The following CRYAB variants were observed in gnomAD, a reference collection of about 807,000 sequenced individuals.
CRYAB encodes crystallin alpha B.
In CRYAB, 9 loss-of-function variants were observed where a neutral mutation model predicts 12.7. The observed-to-expected ratio is 0.71, with a 90% CI of 0.43 to 1.24. The LOEUF (loss-of-function observed/expected upper bound fraction) is 1.24. CRYAB is among the 50% of genes most tolerant of loss of function. The pLI is 0.00. For synonymous variants in CRYAB, 93 were observed against 86.8 expected, an observed-to-expected ratio of 1.07 and a Z score of -0.40; for missense variants, 183 against 226.6, an observed-to-expected ratio of 0.81 and a Z score of 1.24.
chr11:111,919,566 C>T (rs1324442521), intron 1 of CRYAB, among the ~76,000 whole-genome samples: 1 of 152,170 alleles, frequency 6.6e-6, no homozygotes, highest in African/African-American at 2.4e-5. Context: ...TTTTTCTGTG[C>T]CCTCTTCCTC....
chr11:111,909,773 A>G (rs1965393923), intron 2 of CRYAB: 1 of 231,882 alleles, frequency 4.3e-6, no homozygotes, highest in Admixed American at 5.1e-5. Flanking sequence ...TTGCACAGCT[A>G]AAAGAGAAGT....
At chr11:111,909,024 C>T (rs1244066863) in intron 2 of CRYAB, 57 bp from the exon 3 acceptor site, 1 of 1,572,142 alleles carries the variant, frequency 6.4e-7, no homozygotes, top group African/African-American at 1.3e-5. Flanking sequence ...CTATTATCAC[C>T]TGCCCAGAAC....
Position 111,908,797 on chromosome 11 carries a change from C to T in CRYAB, c.495G>A (p.Glu165=), listed in dbSNP as rs781923307. Residue 165 remains glutamate, a synonymous_variant, in exon 3 of 3, where the codon GAG becomes GAA. Coordinates refer to ENST00000650687, the MANE Select transcript of CRYAB (RefSeq NM_001289808.2). ...PERTIPITRE[E]KPAVTAAPKK Reference sequence around the variant, plus strand: ...TGGGGGCTGCGGTGACAGCAGGCTTCTCTTCACGGGTGATGGGAATGGTGC... The same window carrying T: ...TGGGGGCTGCGGTGACAGCAGGCTTTTCTTCACGGGTGATGGGAATGGTGC... 1 of 1,613,252 alleles carries T rather than the reference C, an allele frequency of 6.2e-7. No homozygotes were observed. The highest frequency in any genetic ancestry group is 8.5e-7 in the Non-Finnish European group (1 of 1,180,028).
intron 2 of CRYAB, 90 bp from the exon 3 acceptor site, chr11:111,909,057 A>G: frequency 7.7e-7 from 1 of 1,299,248 alleles, no homozygotes; most frequent in Non-Finnish European, 1.1e-6. Flanking sequence ...ATTTCCCCTT[A>G]GGTGAGACCA....
upstream of CRYAB, chr11:111,912,753 C>G: frequency 8.8e-7 from 1 of 1,141,546 alleles, no homozygotes; most frequent in Non-Finnish European, 1.3e-6. Flanking sequence ...AGCCCTGGCT[C>G]TCCGGGCAGC....
At chr11:111,922,420 G>A (rs1201346177) in intron 1 of CRYAB, among the ~76,000 whole-genome samples, 1 of 152,090 alleles carries the variant, frequency 6.6e-6, no homozygotes, top group Admixed American at 6.6e-5. Flanking sequence ...TATTGTTTCT[G>A]ATTACAAAGG....
upstream of CRYAB, chr11:111,913,704 A>C (rs202246824): frequency 6.2e-7 from 1 of 1,613,814 alleles, no homozygotes; most frequent in South Asian, 1.1e-5. Context: ...GTTCTGCCGC[A>C]CCTATGTCCT....
upstream of CRYAB, chr11:111,912,957 C>A (rs545496413): frequency 6.7e-7 from 1 of 1,487,544 alleles, no homozygotes. Context: ...TGCCCCCCAC[C>A]CCCACCCCCT....
At position 111,911,708 on chromosome 11, in the gene CRYAB, T is replaced by C; in HGVS notation, c.17A>G (p.His6Arg). Residue 6 changes from histidine (H) to arginine (R), a missense_variant, in exon 1 of 3, where the codon CAC becomes CGC. Physicochemically the swap from His to Arg is conservative, Grantham distance 29 (BLOSUM62 0). Coordinates refer to ENST00000650687, the MANE Select transcript of CRYAB (RefSeq NM_001289808.2). Reference sequence around the variant, plus strand: ...GAAGGGGCGGCGGATCCAGGGGTGGTGGATGGCGATGTCCATGGTGGCTAG... The same window carrying C: ...GAAGGGGCGGCGGATCCAGGGGTGGCGGATGGCGATGTCCATGGTGGCTAG... MDIAI[H>R]HPWIRRPFFP... The C allele has an allele frequency of 6.3e-7, 1 of 1,587,622 alleles. No individual in the cohort carries two copies. Among genetic ancestry groups the C allele is most frequent in the South Asian group, 1.1e-5 (1 of 87,140 alleles).
upstream of CRYAB, chr11:111,913,467 C>A (rs782506463): frequency 1.9e-6 from 3 of 1,611,314 alleles, no homozygotes; most frequent in African/African-American, 1.3e-5. Context: ...GATCCTGACC[C>A]CCACACTCTA....
upstream of CRYAB, chr11:111,914,112 T>G: frequency 1.9e-6 from 1 of 518,550 alleles, no homozygotes; most frequent in Non-Finnish European, 3.4e-6. Context: ...TACTGCTCCC[T>G]ATTCTGTGGC....
chr11:111,915,624 A>C (rs1965586164), upstream of CRYAB, among the ~76,000 whole-genome samples: 2 of 152,184 alleles, frequency 1.3e-5, no homozygotes, highest in South Asian at 4.1e-4. Context: ...AAATTTGAAA[A>C]CTTCTGATTT....
chr11:111,914,543 G>C (rs1965567749), upstream of CRYAB, among the ~76,000 whole-genome samples: 1 of 152,156 alleles, frequency 6.6e-6, no homozygotes, highest in Non-Finnish European at 1.5e-5. Context: ...GAGAGCCTGA[G>C]TATGCATACA....
At chr11:111,923,387 A>G (rs1169721317) in intron 1 of CRYAB, among the ~76,000 whole-genome samples, 1 of 152,240 alleles carries the variant, frequency 6.6e-6, no homozygotes, top group East Asian at 1.9e-4. Flanking sequence ...AGTAGTCCTC[A>G]TGATTTAGAA....
chr11:111,912,502 C>A, upstream of CRYAB: 1 of 443,618 alleles, frequency 2.3e-6, no homozygotes, highest in Non-Finnish European at 4.1e-6. Flanking sequence ...TCAGCGAGGC[C>A]TCTTCATGCC....
upstream of CRYAB, among the ~76,000 whole-genome samples, chr11:111,914,331 G>A (rs1555165983): frequency 6.6e-6 from 1 of 152,194 alleles, no homozygotes; most frequent in African/African-American, 2.4e-5. Context: ...GAGGGAAAAG[G>A]GATATGCCAT....
At chr11:111,909,556 AAC>A (rs1965387322) in intron 2 of CRYAB, among the ~76,000 whole-genome samples, 2 of 152,208 alleles carry the variant, frequency 1.3e-5, no homozygotes, top group African/African-American at 2.4e-5. Context: ...ATAAAGTCAT[AAC>A]AAGCTGTTCC....
At chr11:111,913,814 G>A (rs1555165915), upstream of CRYAB, 4 of 1,614,170 alleles carry the variant, frequency 2.5e-6, no homozygotes, top group Admixed American at 1.7e-5. Context: ...TGGACACAGA[G>A]GTCAATGAGG....
chr11:111,911,073 A>G (rs782052070), intron 1 of CRYAB, among the ~76,000 whole-genome samples: 19 of 152,142 alleles, frequency 1.2e-4, no homozygotes, highest in Non-Finnish European at 2.4e-4. Flanking sequence ...AAACCCAGAA[A>G]ATCATAGAAG....
Sources: gnomAD v4.1 joint callset for allele counts (sites outside exome capture counted in the v4.1 genomes callset) on GRCh38, gnomAD v4.1.1 for gene constraint, MANE v1.5 for transcripts, NCBI Gene and HGNC (gene_info 2026-07-23, HGNC 2026-07-21) for gene names.